Variants in FARS2 observed in about 807,000 individuals in gnomAD.
The protein encoded by FARS2 is phenylalanine--tRNA ligase, mitochondrial.
Under a neutral mutation model 46.4 loss-of-function variants are expected in FARS2, and 40 were observed. The ratio of observed to expected loss-of-function variants is 0.86; its 90% CI spans 0.67 to 1.12. The LOEUF is 1.12. Among genes scored for constraint, FARS2 ranks in the 50% most tolerant of loss-of-function variants. FARS2 has a pLI of 0.00. For synonymous variants in FARS2, 234 were observed against 214.9 expected, an observed-to-expected ratio of 1.09 and a Z score of -0.78; for missense variants, 513 against 567.9, an observed-to-expected ratio of 0.90 and a Z score of 0.98.
chr6:5,560,622 A>G (rs1468661134), intron 5 of FARS2, among the ~76,000 whole-genome samples: 1 of 152,096 alleles, frequency 6.6e-6, no homozygotes, highest in East Asian at 1.9e-4. Flanking sequence ...CTCTGGAATA[A>G]TATTTTGAAG....
intron 6 of FARS2, among the ~76,000 whole-genome samples, chr6:5,663,654 T>C (rs1038986766): frequency 6.6e-6 from 1 of 152,096 alleles, no homozygotes; most frequent in Non-Finnish European, 1.5e-5. Flanking sequence ...AAAGTTGGTG[T>C]GGAAGAAGGG....
intron 3 of FARS2, among the ~76,000 whole-genome samples, chr6:5,423,471 C>T (rs937564994): frequency 6.7e-4 from 102 of 152,074 alleles, no homozygotes; most frequent in African/African-American, 2.5e-3. Flanking sequence ...TGAAACTGCA[C>T]TTGCACACAT....
intron 1 of FARS2, among the ~76,000 whole-genome samples, chr6:5,309,926 A>G (rs887971377): frequency 1.3e-5 from 2 of 152,178 alleles, no homozygotes; most frequent in Non-Finnish European, 2.9e-5. Context: ...ATGAGGGGCA[A>G]CTTGACTTAC....
chr6:5,661,586 A>G (rs1433334489), intron 6 of FARS2, among the ~76,000 whole-genome samples: 1 of 152,224 alleles, frequency 6.6e-6, no homozygotes, highest in Non-Finnish European at 1.5e-5. Flanking sequence ...GTAGGTTTCA[A>G]GATGGCAGGA....
chr6:5,547,566 G>T (rs2150507609), intron 5 of FARS2, among the ~76,000 whole-genome samples: 1 of 152,182 alleles, frequency 6.6e-6, no homozygotes, highest in East Asian at 1.9e-4. Context: ...CCCTGCAGCA[G>T]AGTTTGGGAT....
chr6:5,411,166 C>A (rs1325593711), intron 3 of FARS2, among the ~76,000 whole-genome samples: 3 of 152,170 alleles, frequency 2.0e-5, no homozygotes, highest in Non-Finnish European at 4.4e-5. Flanking sequence ...GTAGTCCCAG[C>A]TACTTAGGAG....
chr6:5,633,262 CTTTTTTTTTTTTTTTT>C (rs59797062), intron 6 of FARS2, among the ~76,000 whole-genome samples: 21 of 50,086 alleles, frequency 4.2e-4, no homozygotes, highest in African/African-American at 1.1e-3. Flanking sequence ...CCATCCCTGG[CTTTTTTTTTTTTTTTT>C]TTTTTTTTTT....
At chr6:5,557,991 C>G (rs1451792258) in intron 5 of FARS2, among the ~76,000 whole-genome samples, 1 of 152,006 alleles carries the variant, frequency 6.6e-6, no homozygotes, top group African/African-American at 2.4e-5. Context: ...CTTTACACAA[C>G]CTAGGAGTTA....
At chr6:5,535,428 C>A (rs1040087989) in intron 4 of FARS2, among the ~76,000 whole-genome samples, 8 of 152,198 alleles carry the variant, frequency 5.3e-5, no homozygotes, top group Non-Finnish European at 7.3e-5. Flanking sequence ...GGGCTTTCTA[C>A]ATATAAAATT....
chr6:5,663,836 C>T (rs924795336), intron 6 of FARS2, among the ~76,000 whole-genome samples: 1 of 152,214 alleles, frequency 6.6e-6, no homozygotes, highest in Non-Finnish European at 1.5e-5. Flanking sequence ...AGGACCAGGT[C>T]TTGCTCCTTA....
At chr6:5,598,463 C>G (rs182017429) in intron 5 of FARS2, among the ~76,000 whole-genome samples, 6 of 152,298 alleles carry the variant, frequency 3.9e-5, no homozygotes, top group Non-Finnish European at 7.4e-5. Context: ...TTTGTCTTCT[C>G]TCCATTTCTA....
rs562827654 is a variant in FARS2, at chr6:5,310,407, G to GA, written c.-22+48757dup. Reference sequence around the variant, plus strand: ...TCCTTATATAAAATTTAGGTTTAAGGAAAAAAAAAACCTACAAAGGCAGTC... The same window carrying GA: ...TCCTTATATAAAATTTAGGTTTAAGGAAAAAAAAAAACCTACAAAGGCAGTC... On this transcript the variant is annotated intron_variant, in intron 1 of 6. Transcript: ENST00000274680. Among the ~76,000 whole-genome samples, 267 of 145,632 alleles carry GA rather than the reference G, an allele frequency of 1.8e-3. 1 individual carries two copies. The highest frequency in any genetic ancestry group is 6.1e-3 in the African/African-American group (243 of 39,844).
At chr6:5,250,136 A>G in the FARS2 span, among the ~76,000 whole-genome samples, 1 of 152,096 alleles carries the variant, frequency 6.6e-6, no homozygotes, top group East Asian at 1.9e-4. Flanking sequence ...TATATTCTCT[A>G]TCTTTATTTT....
chr6:5,359,882 G>A (rs1220524412), intron 1 of FARS2, among the ~76,000 whole-genome samples: 4 of 152,218 alleles, frequency 2.6e-5, no homozygotes, highest in Non-Finnish European at 5.9e-5. Flanking sequence ...TTGAGGGCTC[G>A]TCTTTTGTCA....
At chr6:5,654,303 C>T (rs1439283513) in intron 6 of FARS2, among the ~76,000 whole-genome samples, 2 of 152,160 alleles carry the variant, frequency 1.3e-5, no homozygotes, top group Non-Finnish European at 2.9e-5. Flanking sequence ...ACTGTGGGGT[C>T]GGATGCCTCT....
At chr6:5,272,154 T>G (rs1766002953) in intron 1 of FARS2, among the ~76,000 whole-genome samples, 1 of 152,176 alleles carries the variant, frequency 6.6e-6, no homozygotes, top group East Asian at 1.9e-4. Context: ...CATTAGTCAC[T>G]TCGTTGCCTT....
At chr6:5,631,897 A>G (rs1304418404) in intron 6 of FARS2, among the ~76,000 whole-genome samples, 1 of 152,202 alleles carries the variant, frequency 6.6e-6, no homozygotes, top group Non-Finnish European at 1.5e-5. Flanking sequence ...AATTACACTC[A>G]ACTGTTCTGA....
At chr6:5,758,971 T>A (rs1762351359) in intron 6 of FARS2, among the ~76,000 whole-genome samples, 1 of 149,050 alleles carries the variant, frequency 6.7e-6, no homozygotes, top group Non-Finnish European at 1.5e-5. Flanking sequence ...ATTGGGGTTC[T>A]GTTTCATTAG....
At chr6:5,525,849 G>A (rs1432773892) in intron 4 of FARS2, among the ~76,000 whole-genome samples, 1 of 152,220 alleles carries the variant, frequency 6.6e-6, no homozygotes, top group Non-Finnish European at 1.5e-5. Flanking sequence ...TTTTCTGTTG[G>A]TGTAGATAGT....
Sources: gnomAD v4.1 joint callset for allele counts (sites outside exome capture counted in the v4.1 genomes callset) on GRCh38, gnomAD v4.1.1 for gene constraint, MANE v1.5 for transcripts, NCBI Gene and HGNC (gene_info 2026-07-23, HGNC 2026-07-21) for gene names.